The following EMC10 variants were observed in gnomAD, a reference collection of about 807,000 sequenced individuals.
EMC10 encodes UPF0510 protein INM02.
EMC10 carries 40 observed loss-of-function variants against 32.2 expected under a neutral mutation model. That is an observed-to-expected ratio of 1.24 (90% CI 0.96 to 1.61). The LOEUF (loss-of-function observed/expected upper bound fraction) is 1.61, where lower values mean the gene tolerates loss of function less well. Among genes scored for constraint, EMC10 ranks in the 40% most tolerant of loss-of-function variants. EMC10 has a pLI of 0.00. For missense variants in EMC10, 402 were observed against 357.7 expected, an observed-to-expected ratio of 1.12 and a Z score of -1.00; for synonymous variants, 178 against 158.4, an observed-to-expected ratio of 1.12 and a Z score of -0.93.
At chr19:50,477,024 G>T in intron 1 of EMC10, 1 of 198,060 alleles carries the variant, frequency 5.0e-6, no homozygotes, top group East Asian at 1.2e-4. Context: ...GGGAGGCCGA[G>T]GCGGGAGGAT....
At chr19:50,479,320 C>T (rs1041437900) in intron 3 of EMC10, among the ~76,000 whole-genome samples, 1 of 152,240 alleles carries the variant, frequency 6.6e-6, no homozygotes, top group African/African-American at 2.4e-5. Flanking sequence ...TGGCAGACCC[C>T]CTTCCCCTGC....
At position 50,486,071 on chromosome 19, in the gene EMC10, A is replaced by G. The variant is rs1390457150; in HGVS notation, c.*3812A>G. The G allele has an allele frequency of 6.6e-6, 1 of 152,188 alleles. No individual in the cohort carries two copies. Among genetic ancestry groups the G allele is most frequent in the African/African-American group, 2.4e-5 (1 of 41,444 alleles). 9.4% of individuals were successfully genotyped at this position (152,188 alleles called of 1,614,324 possible). A position where few individuals can be genotyped will look rare whatever the true frequency, so the allele number is the denominator to read the frequency against. On this transcript the variant is annotated 3_prime_UTR_variant, in exon 7 of 7. Transcript: ENST00000334976. ...ATGTGGGCATTTAGGTGCTCCCAGT[A>G]CATAGTTGCATGGCAAACAATCCTA...
intron 3 of EMC10, 25 bp downstream of exon 3, chr19:50,479,091 G>A: frequency 6.4e-7 from 1 of 1,550,944 alleles, no homozygotes; most frequent in South Asian, 1.2e-5. Context: ...TCAGGGCTGG[G>A]TGTGGATGGG....
In EMC10 at chr19:50,477,851, C is replaced by T. The variant is rs2040252645; in HGVS notation, c.115-78C>T. The T allele has an allele frequency of 1.3e-5, 15 of 1,141,506 alleles. No individual in the cohort carries two copies. The South Asian group carries it at 2.1e-4, about 16-fold the overall frequency. 70.7% of individuals were successfully genotyped at this position (1,141,506 alleles called of 1,614,324 possible). A position where few individuals can be genotyped will look rare whatever the true frequency, so the allele number is the denominator to read the frequency against. ...CTCCTCCCTCAGCCCACCAGTCTGT[C>T]TGTCCTGGGTTCTGTGGGTGACTAC... is the stretch of plus-strand genomic sequence containing the variant. On this transcript the variant is annotated intron_variant, in intron 1 of 6. Coordinates refer to ENST00000334976, the MANE Select transcript of EMC10 (RefSeq NM_206538.4).
In EMC10 at chr19:50,476,611, AG is replaced by A. The variant is rs1454594279; in HGVS notation, c.68del (p.Ser23IlefsTer82). 10 of 1,562,894 alleles carry A rather than the reference AG, an allele frequency of 6.4e-6. No individual in the cohort carries two copies. The African/African-American group carries it at 1.1e-4, about 17-fold the overall frequency. On this transcript the variant is annotated frameshift_variant, in exon 1 of 7. Transcript: ENST00000334976. LOFTEE classifies it high-confidence loss of function. The part of the protein sequence containing the change: ...LLLLMAVAAP[S>X]RARGSGCRAG... Reference sequence around the variant, plus strand: ...CTTGCTGATGGCGGTAGCAGCGCCCAGTCGAGCCCGGGGCAGCGGCTGCCGG... The same window carrying A: ...CTTGCTGATGGCGGTAGCAGCGCCCATCGAGCCCGGGGCAGCGGCTGCCGG...
In EMC10 at chr19:50,480,162, G is replaced by A. The variant is rs140693786; in HGVS notation, c.349G>A (p.Gly117Arg). 5,707 of 1,613,746 alleles carry A rather than the reference G, an allele frequency of 3.5e-3. 14 individuals carry two copies. The highest frequency in any genetic ancestry group is 4.0e-3 in the Non-Finnish European group (4,674 of 1,179,878). ...LYRVRIPRRPGALDGLEAGGY... is the reference protein window; with the variant it reads ...LYRVRIPRRPRALDGLEAGGY... ...CCGGGTCCGGATCCCAAGGCGACCC[G>A]GGGCCCTGGATGGCCTGGAAGCTGG... is the stretch of plus-strand genomic sequence containing the variant. The change falls in exon 4 of 7, where the codon GGG becomes AGG. Residue 117 changes from glycine to arginine, a missense_variant. By Grantham distance (125) the Gly-to-Arg change is moderately radical. Transcript: ENST00000334976. The surrounding 1 kb of genome is among the most constrained non-coding windows in gnomAD (Gnocchi z 4.4).
rs1454285464 is a variant in EMC10, at chr19:50,487,922, A to C, written c.*5663A>C. 6.6e-6 allele frequency: 1 copy of C among 152,006 alleles called. No individual in the cohort carries two copies. Among genetic ancestry groups the C allele is most frequent in the Non-Finnish European group, 1.5e-5 (1 of 68,100 alleles). 9.4% of individuals were successfully genotyped at this position (152,006 alleles called of 1,614,324 possible). A position where few individuals can be genotyped will look rare whatever the true frequency, so the allele number is the denominator to read the frequency against. On this transcript the variant is annotated 3_prime_UTR_variant, in exon 7 of 7. Coordinates refer to ENST00000334976, the MANE Select transcript of EMC10 (RefSeq NM_206538.4). The stretch of plus-strand genomic sequence containing the variant: ...GAAGAGGAAGAGGCAGATTCAGAGG[A>C]GAGAGGAGAGAAAAGAGGTGGAAAT...
In EMC10 at chr19:50,487,997, AAGC is replaced by A. The variant is rs1296418122; in HGVS notation, c.*5741_*5743del. 17 of 152,314 alleles carry A rather than the reference AAGC, an allele frequency of 1.1e-4. No homozygotes were observed. Among genetic ancestry groups the A allele is most frequent in the African/African-American group, 3.6e-4 (15 of 41,314 alleles). The allele number at this position is 152,314 out of a possible 1,614,324, so 9.4% of individuals were successfully genotyped here. ...GGAGGGAGGAGAGAGTGTAGGAAAA[AAGC>A]AGGAGGAAAGAGCCGGGCACGGTGG... On this transcript the variant is annotated 3_prime_UTR_variant, in exon 7 of 7. Coordinates refer to ENST00000334976, the MANE Select transcript of EMC10 (RefSeq NM_206538.4).
intron 6 of EMC10, 177 bp from the exon 7 acceptor site, chr19:50,481,971 TC>T: frequency 6.2e-7 from 1 of 1,605,640 alleles, no homozygotes. Flanking sequence ...CCCCTGCCCC[TC>T]CCTGCGCCCC....
At position 50,480,493 on chromosome 19, in the gene EMC10, C is replaced by T. The variant is rs893501716; in HGVS notation, c.403-88C>T. The T allele has an allele frequency of 3.7e-5, 53 of 1,449,462 alleles. No homozygotes were observed. Among genetic ancestry groups the T allele is most frequent in the South Asian group, 1.1e-4 (8 of 76,182 alleles). The allele number at this position is 1,449,462 out of a possible 1,614,324, so 89.8% of individuals were successfully genotyped here. ...CATGGGAAGGTTTTGAAAAATGCTC[C>T]GGGGGTCCTGTGGTGGGGGCCGGGG... On this transcript the variant is annotated intron_variant, in intron 4 of 6. Transcript: ENST00000334976. The surrounding 1 kb of genome is among the most constrained non-coding windows in gnomAD (Gnocchi z 4.4).
In EMC10 at chr19:50,477,991, A is replaced by G; in HGVS notation, c.177A>G (p.Ser59=). The G allele has an allele frequency of 1.2e-6, 2 of 1,604,228 alleles. No homozygotes were observed. The highest frequency in any genetic ancestry group is 2.2e-5 in the South Asian group (2 of 89,592). The change falls in exon 2 of 7, where the codon TCA becomes TCG. Residue 59 remains serine, a synonymous_variant. Coordinates refer to ENST00000334976, the MANE Select transcript of EMC10 (RefSeq NM_206538.4). ...CGGTGGGGCTGCTGCTGGAGCACTC[A>G]TTTGAGATCGGTGAGTCAGGCAACG... ...CGTVGLLLEH[S]FEIDDSANFR...
At chr19:50,478,746 G>T (rs1387962427) in intron 2 of EMC10, among the ~76,000 whole-genome samples, 6 of 152,184 alleles carry the variant, frequency 3.9e-5, no homozygotes, top group African/African-American at 1.2e-4. Context: ...GGAGCTGTGG[G>T]GTTCATGCAT....
intron 1 of EMC10, 88 bp downstream of exon 1, chr19:50,476,746 C>G: frequency 1.2e-6 from 1 of 820,690 alleles, no homozygotes; most frequent in African/African-American, 1.8e-5. Context: ...CGGAAGGAGG[C>G]TGCGCAGGGC....
Position 50,482,589 on chromosome 19 carries a change from C to G in EMC10, c.*330C>G, listed in dbSNP as rs1300283660. On this transcript the variant is annotated 3_prime_UTR_variant, in exon 7 of 7. Coordinates refer to ENST00000334976, the MANE Select transcript of EMC10 (RefSeq NM_206538.4). ...GACCTCGCATCCCCCTACCCCGAGCCCATGCAGTCTGGGAACATGCCGCCT... is the reference window on the plus strand; with the variant it reads ...GACCTCGCATCCCCCTACCCCGAGCGCATGCAGTCTGGGAACATGCCGCCT... 1 of 505,170 alleles carries G rather than the reference C, an allele frequency of 2.0e-6. No individual in the cohort carries two copies. The highest frequency in any genetic ancestry group is 3.5e-6 in the Non-Finnish European group (1 of 287,848). The allele number at this position is 505,170 out of a possible 1,614,324, so 31.3% of individuals were successfully genotyped here. A position where few individuals can be genotyped will look rare whatever the true frequency, so the allele number is the denominator to read the frequency against.
intron 1 of EMC10, chr19:50,477,101 TA>T (rs55816439): frequency 0.71 from 100,232 of 141,072 alleles, 35,027 homozygotes; most frequent in African/African-American, 0.81. Context: ...CAAAAAATAC[TA>T]AAAAAAAAAA....
intron 1 of EMC10, among the ~76,000 whole-genome samples, chr19:50,477,645 A>G (rs2040249488): frequency 6.6e-6 from 1 of 152,166 alleles, no homozygotes; most frequent in African/African-American, 2.4e-5. Flanking sequence ...CATTTAACTC[A>G]TGAGTATTTG....
chr19:50,488,200 G>A lies in EMC10; in HGVS notation c.*5941G>A, dbSNP rs1978443766. 6.7e-6 allele frequency: 1 copy of A among 148,648 alleles called. No homozygotes were observed. Among genetic ancestry groups the A allele is most frequent in the Non-Finnish European group, 1.5e-5 (1 of 67,588 alleles). 9.2% of individuals were successfully genotyped at this position (148,648 alleles called of 1,614,324 possible). Reference sequence around the variant, plus strand: ...AGTCCCAGCTACTCGGGAGGCTGAGGCAGGAGAATGGCGTGAACCCTGGAG... The same window carrying A: ...AGTCCCAGCTACTCGGGAGGCTGAGACAGGAGAATGGCGTGAACCCTGGAG... On this transcript the variant is annotated 3_prime_UTR_variant, in exon 7 of 7. Coordinates refer to ENST00000334976, the MANE Select transcript of EMC10 (RefSeq NM_206538.4).
At chr19:50,478,637 G>A (rs1423971419) in intron 2 of EMC10, among the ~76,000 whole-genome samples, 1 of 152,156 alleles carries the variant, frequency 6.6e-6, no homozygotes, top group Non-Finnish European at 1.5e-5. Context: ...GGGAATTCCT[G>A]AACTCCACAG....
At position 50,487,732 on chromosome 19, in the gene EMC10, C is replaced by A. The variant is rs1032683865; in HGVS notation, c.*5473C>A. 6.5e-5 allele frequency: 10 copies of A among 152,746 alleles called. No individual in the cohort carries two copies. Among genetic ancestry groups the A allele is most frequent in the African/African-American group, 2.4e-4 (10 of 41,340 alleles). 9.5% of individuals were successfully genotyped at this position (152,746 alleles called of 1,614,324 possible). On this transcript the variant is annotated 3_prime_UTR_variant, in exon 7 of 7. Coordinates refer to ENST00000334976, the MANE Select transcript of EMC10 (RefSeq NM_206538.4). ...CTGGAGACGGAGGAGACGGGGCTCC[C>A]GGGAGGGAGGCCAGTGGGAGTGAGA...
Sources: gnomAD v4.1 joint callset for allele counts (sites outside exome capture counted in the v4.1 genomes callset) on GRCh38, gnomAD v4.1.1 for gene constraint, Gnocchi (gnomAD v3.1) non-coding constraint, MANE v1.5 for transcripts, NCBI Gene and HGNC (gene_info 2026-07-23, HGNC 2026-07-21) for gene names.